Variants in KDM3A observed in about 807,000 individuals in gnomAD.
KDM3A encodes lysine demethylase 3A, also known as lysine-specific demethylase 3A.
KDM3A carries 60 observed loss-of-function variants against 158.0 expected under a neutral mutation model. The ratio of observed to expected loss-of-function variants is 0.38; its 90% CI spans 0.31 to 0.47. The LOEUF is 0.47. KDM3A is among the 20% of genes least tolerant of loss of function. The pLI, the probability that KDM3A is intolerant of heterozygous loss-of-function variation, is 0.99. For synonymous variants in KDM3A, 608 were observed against 549.3 expected (o/e 1.11, Z -1.49); for missense variants, 1,319 against 1,574.3 (o/e 0.84, Z 2.74).
intron 2 of KDM3A, among the ~76,000 whole-genome samples, chr2:86,447,470 T>G (rs897934785): frequency 6.6e-6 from 1 of 151,502 alleles, no homozygotes; most frequent in Non-Finnish European, 1.5e-5. Context: ...TTTTTTTTTT[T>G]GCTGAATAGA....
At chr2:86,471,616 T>C (rs1673415554) in intron 11 of KDM3A, among the ~76,000 whole-genome samples, 2 of 152,166 alleles carry the variant, frequency 1.3e-5, no homozygotes, top group Non-Finnish European at 2.9e-5. Flanking sequence ...TTTCATTTTA[T>C]CTAAGTTAAA....
intron 2 of KDM3A, among the ~76,000 whole-genome samples, chr2:86,447,289 T>TTC (rs569762236): frequency 9.6e-6 from 1 of 104,572 alleles, no homozygotes; most frequent in African/African-American, 3.6e-5. Context: ...GGAGGTAAAC[T>TTC]TTTTTTTTTT....
chr2:86,481,832 T>A lies in KDM3A; in HGVS notation c.2513-98T>A, dbSNP rs1558628622. On this transcript the variant is annotated intron_variant, in intron 16 of 25. Coordinates refer to ENST00000312912, the MANE Select transcript of KDM3A (RefSeq NM_018433.6). ...AAAGTATTTTTTTTGTTTCAGTAAA[T>A]AGAAAGCAAGTTCTAAAGTAATTCT... 5.5e-6 allele frequency: 5 copies of A among 907,744 alleles called. No individual in the cohort carries two copies. In the Admixed American group the frequency reaches 1.2e-4, roughly 22 times the overall value. 56.2% of individuals were successfully genotyped at this position (907,744 alleles called of 1,614,324 possible). A position where few individuals can be genotyped will look rare whatever the true frequency, so the allele number is the denominator to read the frequency against.
intron 21 of KDM3A, 157 bp from the exon 22 acceptor site, chr2:86,489,161 C>T: frequency 2.6e-6 from 2 of 771,766 alleles, no homozygotes; most frequent in African/African-American, 1.8e-5. Context: ...GCTAGCACAT[C>T]GATTGGTTAA....
intron 21 of KDM3A, among the ~76,000 whole-genome samples, chr2:86,486,117 A>G (rs1173653615): frequency 6.6e-6 from 1 of 151,994 alleles, no homozygotes; most frequent in Non-Finnish European, 1.5e-5. Flanking sequence ...AAATCTTTAC[A>G]TGTTACTTAA....
intron 21 of KDM3A, chr2:86,487,769 G>A (rs139705934): frequency 1.3e-5 from 2 of 152,228 alleles, no homozygotes; most frequent in East Asian, 3.9e-4. Flanking sequence ...TGACCATTAT[G>A]TTTTTACAAT....
intron 11 of KDM3A, among the ~76,000 whole-genome samples, chr2:86,472,163 CTT>C (rs36028213): frequency 5.4e-5 from 8 of 148,686 alleles, no homozygotes; most frequent in African/African-American, 1.7e-4. Context: ...ATGATTAGAG[CTT>C]TTTTTTTTAA....
At chr2:86,451,559 G>A (rs1483502120) in intron 4 of KDM3A, among the ~76,000 whole-genome samples, 1 of 152,174 alleles carries the variant, frequency 6.6e-6, no homozygotes, top group Non-Finnish European at 1.5e-5. Flanking sequence ...AAAGGTTTTT[G>A]TCCTTGTCTT....
intron 14 of KDM3A, 142 bp downstream of exon 14, chr2:86,478,407 C>T (rs1673764815): frequency 1.2e-6 from 1 of 836,246 alleles, no homozygotes; most frequent in Non-Finnish European, 1.9e-6. Flanking sequence ...GATAATTCCT[C>T]CAACACTTTT....
chr2:86,486,818 G>A (rs1314923735), intron 21 of KDM3A: 1 of 152,302 alleles, frequency 6.6e-6, no homozygotes, highest in Non-Finnish European at 1.5e-5. Context: ...GAGTGTAGTT[G>A]GGGACTGTTG....
At chr2:86,474,663 C>CAA (rs765315792) in intron 11 of KDM3A, 113 bp from the exon 12 acceptor site, 471 of 423,618 alleles carry the variant, frequency 1.1e-3, no homozygotes, top group South Asian at 2.3e-3. Flanking sequence ...GACTCCATCC[C>CAA]AAAAAAAAAA....
In KDM3A at chr2:86,492,153, C is replaced by G. The variant is rs1340846205; in HGVS notation, c.*34C>G. Reference sequence around the variant, plus strand: ...CACATTGGAAATGAATTACAGGCAGCTGTTCAAACTCTTCAGGCAGGATTC... The same window carrying G: ...CACATTGGAAATGAATTACAGGCAGGTGTTCAAACTCTTCAGGCAGGATTC... On this transcript the variant is annotated 3_prime_UTR_variant, in exon 26 of 26. Transcript: ENST00000312912. 1 of 1,474,384 alleles carries G rather than the reference C, an allele frequency of 6.8e-7. No homozygotes were observed. Among genetic ancestry groups the G allele is most frequent in the Admixed American group, 1.7e-5 (1 of 59,356 alleles). 91.3% of individuals were successfully genotyped at this position (1,474,384 alleles called of 1,614,324 possible). A position where few individuals can be genotyped will look rare whatever the true frequency, so the allele number is the denominator to read the frequency against.
upstream of KDM3A, chr2:86,441,037 A>G (rs192247421): frequency 2.0e-3 from 299 of 152,330 alleles, no homozygotes; most frequent in African/African-American, 6.9e-3. Context: ...CGGGCCCCAA[A>G]GTTGATAACC....
chr2:86,441,723 CTT>C (rs1424628898), intron 1 of KDM3A, among the ~76,000 whole-genome samples: 1 of 151,112 alleles, frequency 6.6e-6, no homozygotes, highest in Admixed American at 6.6e-5. Context: ...GGGCTGAGCA[CTT>C]TCAAATCCAC....
intron 2 of KDM3A, 35 bp downstream of exon 2, chr2:86,442,268 T>C (rs779047634): frequency 1.8e-5 from 29 of 1,575,190 alleles, no homozygotes; most frequent in African/African-American, 2.7e-5. Context: ...CACCGGACGT[T>C]TCGCAGTTAC....
intron 23 of KDM3A, chr2:86,490,213 T>A (rs1402406806): frequency 6.6e-6 from 1 of 152,642 alleles, no homozygotes; most frequent in Admixed American, 6.5e-5. Flanking sequence ...ATGAGTCGTG[T>A]TCAGTTTTAA....
At chr2:86,454,498 T>C (rs72930364) in intron 4 of KDM3A, among the ~76,000 whole-genome samples, 20,244 of 152,198 alleles carry the variant, frequency 0.13, 1,463 homozygotes, top group Middle Eastern at 0.16. Flanking sequence ...TTGGAGAACA[T>C]TGATCAAGGA....
In KDM3A at chr2:86,474,950, G is replaced by T; in HGVS notation, c.1899G>T (p.Val633=). Residue 633 remains valine (V), a synonymous_variant, in exon 12 of 26, where the codon GTG becomes GTT. Coordinates refer to ENST00000312912, the MANE Select transcript of KDM3A (RefSeq NM_018433.6). ...ANIGDHFCQM[V]ISEKEAMSTI... The stretch of plus-strand genomic sequence containing the variant: ...TTGGAGACCACTTCTGTCAAATGGT[G>T]ATTTCTGAAAAGGAAGCTATGTCAA... 1 of 1,614,082 alleles carries T rather than the reference G, an allele frequency of 6.2e-7. No individual in the cohort carries two copies. Among genetic ancestry groups the T allele is most frequent in the South Asian group, 1.1e-5 (1 of 91,074 alleles).
Position 86,475,008 on chromosome 2 carries a change from G to T in KDM3A, c.1939+18G>T, listed in dbSNP as rs769622278. 54 of 1,593,010 alleles carry T rather than the reference G, an allele frequency of 3.4e-5. No individual in the cohort carries two copies. In the South Asian group the frequency reaches 4.5e-4, roughly 13 times the overall value. ...GCCACACAGTAAGAGCATCTCTTAG[G>T]GGGTAGGATTTTCGAGCCCAATTTG... On this transcript the variant is annotated intron_variant, in intron 12 of 25. Transcript: ENST00000312912.
Sources: gnomAD v4.1 joint callset for allele counts (sites outside exome capture counted in the v4.1 genomes callset) on GRCh38, gnomAD v4.1.1 for gene constraint, MANE v1.5 for transcripts, NCBI Gene and HGNC (gene_info 2026-07-23, HGNC 2026-07-21) for gene names.